The following ARHGAP28 variants were observed in gnomAD, a reference collection of about 807,000 sequenced individuals.
The protein encoded by ARHGAP28 is Rho GTPase activating protein 28, also known as rho GTPase-activating protein 28.
ARHGAP28 carries 56 observed loss-of-function variants against 90.7 expected under a neutral mutation model. The observed-to-expected ratio is 0.62, with a 90% confidence interval of 0.50 to 0.77. ARHGAP28 has a LOEUF of 0.77. Among genes scored for constraint, ARHGAP28 ranks in the 30% least tolerant of loss-of-function variants. The pLI is 0.00. For synonymous variants in ARHGAP28, 308 were observed against 323.3 expected (o/e 0.95, Z 0.51); for missense variants, 869 against 900.9 (o/e 0.96, Z 0.45).
intron 4 of ARHGAP28, among the ~76,000 whole-genome samples, chr18:6,853,974 C>T (rs2056931769): frequency 2.0e-5 from 3 of 152,172 alleles, no homozygotes; most frequent in South Asian, 4.1e-4. Context: ...ATGGGCACAT[C>T]CCTAACCTTG....
At chr18:6,846,661 C>G (rs868137919) in intron 3 of ARHGAP28, among the ~76,000 whole-genome samples, 2 of 152,206 alleles carry the variant, frequency 1.3e-5, no homozygotes, top group African/African-American at 2.4e-5. Flanking sequence ...TCTGCTGTCC[C>G]CATTCCCCTT....
intron 1 of ARHGAP28, among the ~76,000 whole-genome samples, chr18:6,777,466 C>T (rs2056292975): frequency 6.6e-6 from 1 of 152,094 alleles, no homozygotes. Context: ...CTCACACCTG[C>T]AATCCCAGCA....
At chr18:6,802,145 T>A (rs951327948) in intron 1 of ARHGAP28, among the ~76,000 whole-genome samples, 1 of 152,150 alleles carries the variant, frequency 6.6e-6, no homozygotes, top group African/African-American at 2.4e-5. Context: ...ACATTTTCTT[T>A]ATCCATTTAT....
chr18:6,838,666 C>G (rs944251613), intron 3 of ARHGAP28, among the ~76,000 whole-genome samples: 9 of 152,168 alleles, frequency 5.9e-5, no homozygotes, highest in African/African-American at 2.2e-4. Context: ...TAAATATGAA[C>G]AGTCACATGT....
chr18:6,873,341 G>T, intron 7 of ARHGAP28, 68 bp from the exon 8 acceptor site: 1 of 1,344,048 alleles, frequency 7.4e-7, no homozygotes, highest in Non-Finnish European at 1.0e-6. Context: ...TGTCCAGGTG[G>T]CATTTGAGTG....
At chr18:6,895,852 A>T (rs529894243) in intron 15 of ARHGAP28, among the ~76,000 whole-genome samples, 1 of 152,322 alleles carries the variant, frequency 6.6e-6, no homozygotes, top group South Asian at 2.1e-4. Context: ...TTATTCTAGG[A>T]TATCAATAGA....
intron 2 of ARHGAP28, among the ~76,000 whole-genome samples, chr18:6,827,664 G>T (rs1288569824): frequency 6.6e-6 from 1 of 151,584 alleles, no homozygotes; most frequent in Non-Finnish European, 1.5e-5. Context: ...CTCCCTCCTG[G>T]ATGGGGCGGC....
chr18:6,804,249 G>T (rs2056502867), intron 1 of ARHGAP28, among the ~76,000 whole-genome samples: 1 of 152,108 alleles, frequency 6.6e-6, no homozygotes. Context: ...TAATATTCCA[G>T]TATTTTTCAT....
In ARHGAP28 at chr18:6,748,908, A is replaced by T. The variant is rs553791210; in HGVS notation, c.122+18965A>T. Among the ~76,000 whole-genome samples, 4 of 152,302 alleles carry T rather than the reference A, an allele frequency of 2.6e-5. No homozygotes were observed. The South Asian group carries it at 8.3e-4, about 32-fold the overall frequency. ...CCTTGCATTCCCCTGTGGCTGTGTG[A>T]TCTGCACAGGAGACCGTCAGTCACT... is the stretch of plus-strand genomic sequence containing the variant. On this transcript the variant is annotated intron_variant, in intron 1 of 17. Transcript: ENST00000383472.
chr18:6,806,796 G>T (rs149306910), intron 1 of ARHGAP28, among the ~76,000 whole-genome samples: 2,926 of 151,992 alleles, frequency 0.019, 93 homozygotes, highest in African/African-American at 0.067. Flanking sequence ...TTATGGGGAA[G>T]ATCTGCTGCT....
At chr18:6,896,186 A>G (rs992918505) in intron 15 of ARHGAP28, among the ~76,000 whole-genome samples, 1 of 152,234 alleles carries the variant, frequency 6.6e-6, no homozygotes, top group Non-Finnish European at 1.5e-5. Flanking sequence ...AAGCAGGTTC[A>G]GTTAGGAATT....
Position 6,896,528 on chromosome 18 carries a change from G to C in ARHGAP28, c.1932G>C (p.Arg644=). 6.2e-7 allele frequency: 1 copy of C among 1,614,004 alleles called. No homozygotes were observed. The highest frequency in any genetic ancestry group is 8.5e-7 in the Non-Finnish European group (1 of 1,179,962). ...CTGACGTGCCGGAAGGAGTCATACG[G>C]GTCCATGCTCCACTTCTCTCCAAGG... ...RMSDVPEGVI[R]VHAPLLSKVS... The change falls in exon 16 of 18, where the codon CGG becomes CGC. Residue 644 remains arginine (R), a synonymous_variant. Coordinates refer to ENST00000383472, the MANE Select transcript of ARHGAP28 (RefSeq NM_001366230.1).
chr18:6,836,927 T>C (rs1003726336), intron 2 of ARHGAP28, among the ~76,000 whole-genome samples: 2 of 152,148 alleles, frequency 1.3e-5, no homozygotes, highest in African/African-American at 2.4e-5. Context: ...TTGAAATTAG[T>C]AGGACAGATA....
rs998395193 is a variant in ARHGAP28 at position 6,905,264 on chromosome 18, A to G, written c.2031-3696A>G. Among the ~76,000 whole-genome samples the G allele has an allele frequency of 7.2e-5, 11 of 152,288 alleles. 1 individual carries two copies. Among genetic ancestry groups the G allele is most frequent in the Admixed American group, 2.0e-4 (3 of 15,300 alleles). On this transcript the variant is annotated intron_variant, in intron 16 of 17. Transcript: ENST00000383472. Reference sequence around the variant, plus strand: ...TTCAGGCATGCAAGGTTGATTTAACATTAAAAAATCAATCAATGTAATTAG... The same window carrying G: ...TTCAGGCATGCAAGGTTGATTTAACGTTAAAAAATCAATCAATGTAATTAG...
chr18:6,752,068 T>G (rs1461013845), intron 1 of ARHGAP28, among the ~76,000 whole-genome samples: 1 of 152,224 alleles, frequency 6.6e-6, no homozygotes, highest in Non-Finnish European at 1.5e-5. Flanking sequence ...TTTGATTATA[T>G]TTTAACTATT....
At position 6,910,541 on chromosome 18, in the gene ARHGAP28, A is replaced by G. The variant is rs1288030868; in HGVS notation, c.2095+1517A>G. Reference sequence around the variant, plus strand: ...GGATGCCCTCCCCCCAGACAGCCTCACTTCTCAGTCCCTGGTCTCTGCCAG... The same window carrying G: ...GGATGCCCTCCCCCCAGACAGCCTCGCTTCTCAGTCCCTGGTCTCTGCCAG... On this transcript the variant is annotated intron_variant, in intron 17 of 17. Transcript: ENST00000383472. Among the ~76,000 whole-genome samples, 3 of 152,062 alleles carry G rather than the reference A, an allele frequency of 2.0e-5. No individual in the cohort carries two copies. In the East Asian group the frequency reaches 5.9e-4, roughly 30 times the overall value.
intron 1 of ARHGAP28, among the ~76,000 whole-genome samples, chr18:6,772,714 T>C (rs1424643691): frequency 3.3e-5 from 5 of 152,080 alleles, no homozygotes; most frequent in African/African-American, 1.2e-4. Context: ...TTTCAATTTG[T>C]GATGGGTTTT....
intron 2 of ARHGAP28, chr18:6,836,191 G>A (rs1453630137): frequency 6.6e-6 from 1 of 152,286 alleles, no homozygotes; most frequent in African/African-American, 2.4e-5. Context: ...ACACAGAGGA[G>A]GCAACTCAGC....
rs72883065 is a variant in ARHGAP28, at chr18:6,851,434, A to G, written c.636+308A>G. ...AAACTTAAAAAGACTGACAATACCA[A>G]GCAGTGCCAAAGATTCAGAGCAATT... is the stretch of plus-strand genomic sequence containing the variant. On this transcript the variant is annotated intron_variant, in intron 4 of 17. Transcript: ENST00000383472. 8.2e-3 allele frequency among the ~76,000 whole-genome samples: 1,254 copies of G among 152,356 alleles called. 8 individuals are homozygous for G. Among genetic ancestry groups the G allele is most frequent in the Non-Finnish European group, 0.014 (943 of 68,040 alleles).
Sources: gnomAD v4.1 joint callset for allele counts (sites outside exome capture counted in the v4.1 genomes callset) on GRCh38, gnomAD v4.1.1 for gene constraint, MANE v1.5 for transcripts, NCBI Gene and HGNC (gene_info 2026-07-23, HGNC 2026-07-21) for gene names.